The following GSE1 variants were observed in gnomAD, a reference collection of about 807,000 sequenced individuals.
The protein encoded by GSE1 is genetic suppressor element 1.
A neutral mutation model predicts 112.6 loss-of-function variants in GSE1; 32 were observed. The ratio of observed to expected loss-of-function variants is 0.28; its 90% CI spans 0.21 to 0.38. GSE1 has a LOEUF of 0.38. Ranked by LOEUF, GSE1 falls within the 10% of genes least tolerant of loss-of-function variation. The probability of loss-of-function intolerance (pLI) is 1.00; values close to 1 mark genes in which losing one functional copy is unlikely to be tolerated. For synonymous variants in GSE1, 1,115 were observed against 735.6 expected (o/e 1.52, Z -8.35); for missense variants, 2,348 against 1,699.2 (o/e 1.38, Z -6.71).
At chr16:85,382,573 G>T (rs1179674746) in intron 2 of GSE1, among the ~76,000 whole-genome samples, 4 of 152,168 alleles carry the variant, frequency 2.6e-5, no homozygotes, top group African/African-American at 9.7e-5. Context: ...ACCTGCCTGT[G>T]CCCGGGCTCG....
At chr16:85,179,272 A>T (rs1282144532) in intron 1 of GSE1, among the ~76,000 whole-genome samples, 1 of 152,024 alleles carries the variant, frequency 6.6e-6, no homozygotes, top group Non-Finnish European at 1.5e-5. Flanking sequence ...CCTTTTTGTG[A>T]CTGGCTTCTT....
chr16:85,639,714 G>C (rs1208987795), intron 2 of GSE1, among the ~76,000 whole-genome samples: 3 of 152,254 alleles, frequency 2.0e-5, no homozygotes, highest in Admixed American at 6.5e-5. Context: ...GGCCTGCCCA[G>C]TGTCTCTGCA....
In GSE1 at chr16:85,503,544, T is replaced by A. The variant is rs28517883; in HGVS notation, c.2465-130370T>A. 6.0e-3 allele frequency among the ~76,000 whole-genome samples: 920 copies of A among 152,246 alleles called. 6 individuals carry two copies. Among genetic ancestry groups the A allele is most frequent in the African/African-American group, 0.021 (864 of 41,552 alleles). ...GCGGGGCCTCTGGCCCTGCTGGTAA[T>A]TACGGCCCACGGAGCTCTGATTGCC... On this transcript the variant is annotated intron_variant, in intron 2 of 2. Transcript: ENST00000637419.
intron 2 of GSE1, among the ~76,000 whole-genome samples, chr16:85,379,204 C>T (rs1476663541): frequency 1.3e-5 from 2 of 152,166 alleles, no homozygotes; most frequent in South Asian, 2.1e-4. Context: ...CCTCGCTGGG[C>T]CTCCTCCGCA....
intron 1 of GSE1, among the ~76,000 whole-genome samples, chr16:85,623,994 C>G (rs114593071): frequency 0.011 from 1,599 of 152,286 alleles, 26 homozygotes; most frequent in African/African-American, 0.037. Context: ...TCCTTGGATC[C>G]TCTCTCCCTC....
Position 85,533,695 on chromosome 16 carries a change from C to T in GSE1, c.2465-100219C>T, listed in dbSNP as rs547873097. ...CCTGGGCAACATAGAGGGACCCCAT[C>T]TCTACAAAAAATTTTAAAAACTATC... On this transcript the variant is annotated intron_variant, in intron 2 of 2. Coordinates refer to the GSE1 transcript ENST00000637419. Among the ~76,000 whole-genome samples the T allele has an allele frequency of 7.9e-4, 120 of 152,168 alleles. 1 individual carries two copies. Among genetic ancestry groups the T allele is most frequent in the African/African-American group, 2.6e-3 (106 of 41,520 alleles).
At chr16:85,307,426 C>T (rs575862428) in intron 1 of GSE1, among the ~76,000 whole-genome samples, 12 of 152,288 alleles carry the variant, frequency 7.9e-5, no homozygotes, top group East Asian at 5.8e-4. Context: ...TTAGAAGAAC[C>T]GCAGAACTGG....
intron 2 of GSE1, among the ~76,000 whole-genome samples, chr16:85,372,715 A>T (rs1354563813): frequency 6.6e-6 from 1 of 151,840 alleles, no homozygotes; most frequent in Non-Finnish European, 1.5e-5. Context: ...TCCTCCATGC[A>T]CCTCATCTGT....
At chr16:85,589,521 G>T (rs1380203463) in intron 1 of GSE1, among the ~76,000 whole-genome samples, 2 of 152,208 alleles carry the variant, frequency 1.3e-5, no homozygotes, top group African/African-American at 4.8e-5. Flanking sequence ...GGAAGGTGGG[G>T]CGGGGGGTCC....
intron 2 of GSE1, among the ~76,000 whole-genome samples, chr16:85,515,235 C>T: frequency 6.6e-6 from 1 of 152,186 alleles, no homozygotes; most frequent in East Asian, 1.9e-4. Context: ...CCCGCCTCAC[C>T]TCTGCCCCCA....
At chr16:85,318,000 CA>C (rs762844558) in intron 1 of GSE1, among the ~76,000 whole-genome samples, 2 of 152,182 alleles carry the variant, frequency 1.3e-5, no homozygotes, top group Non-Finnish European at 2.9e-5. Flanking sequence ...GCAAGCCAGT[CA>C]GGAAGAATAG....
At chr16:85,389,278 G>A (rs1484418989) in intron 2 of GSE1, among the ~76,000 whole-genome samples, 5 of 152,100 alleles carry the variant, frequency 3.3e-5, no homozygotes, top group Non-Finnish European at 7.4e-5. Flanking sequence ...TGGCCAACAT[G>A]GTGAAACCCC....
chr16:85,456,525 C>T (rs74376130), intron 2 of GSE1, among the ~76,000 whole-genome samples: 12,276 of 151,284 alleles, frequency 0.081, 686 homozygotes, highest in East Asian at 0.22. Context: ...ACCAGGACCC[C>T]GCTGCAAATC....
intron 2 of GSE1, among the ~76,000 whole-genome samples, chr16:85,479,240 G>C (rs2050598299): frequency 8.0e-6 from 1 of 124,480 alleles, no homozygotes; most frequent in Non-Finnish European, 1.6e-5. Context: ...CACCGTGTTA[G>C]CCAGGATGGT....
chr16:85,171,789 G>A lies in GSE1; in HGVS notation c.2265G>A (p.Pro755=), dbSNP rs141271745. Reference sequence around the variant, plus strand: ...AAGGACCCATGAGCTGGAGCTCCCCGGTGGCAGCAGCGACGAAGGTAAGCA... The same window carrying A: ...AAGGACCCATGAGCTGGAGCTCCCCAGTGGCAGCAGCGACGAAGGTAAGCA... Residue 755 remains proline (P), a synonymous_variant, in exon 1 of 3, where the codon CCG becomes CCA. Transcript: ENST00000637419. 345 of 985,652 alleles carry A rather than the reference G, an allele frequency of 3.5e-4. 1 individual carries two copies. In the African/African-American group the frequency reaches 5.3e-3, roughly 15 times the overall value. The allele number at this position is 985,652 out of a possible 1,614,324, so 61.1% of individuals were successfully genotyped here.
chr16:85,484,476 G>A (rs60098295), intron 2 of GSE1, among the ~76,000 whole-genome samples: 2 of 152,242 alleles, frequency 1.3e-5, no homozygotes, highest in African/African-American at 4.8e-5. Context: ...ACAGGGCAGG[G>A]TGTACACAGC....
intron 3 of GSE1, among the ~76,000 whole-genome samples, chr16:85,650,802 C>G (rs1483084886): frequency 1.3e-5 from 2 of 152,024 alleles, no homozygotes; most frequent in Admixed American, 1.3e-4. Context: ...CCCTCCCACC[C>G]GGCCCAAAGC....
chr16:85,603,008 C>T (rs1356491453), intron 1 of GSE1, among the ~76,000 whole-genome samples: 1 of 152,262 alleles, frequency 6.6e-6, no homozygotes, highest in African/African-American at 2.4e-5. Flanking sequence ...CTGCCAGGGT[C>T]ACAGCTGGCC....
At chr16:85,555,206 TAC>T (rs1454657631), upstream of GSE1, 3 of 985,226 alleles carry the variant, frequency 3.0e-6, no homozygotes. Context: ...CTTTCCAATT[TAC>T]CGATAATGAT....
Sources: gnomAD v4.1 joint callset for allele counts (sites outside exome capture counted in the v4.1 genomes callset) on GRCh38, gnomAD v4.1.1 for gene constraint, MANE v1.5 for transcripts, NCBI Gene and HGNC (gene_info 2026-07-23, HGNC 2026-07-21) for gene names.